Variants in LEKR1 observed in about 807,000 individuals in gnomAD.
LEKR1 encodes leucine, glutamate and lysine rich 1, also known as protein LEKR1.
Under a neutral mutation model 72.4 loss-of-function variants are expected in LEKR1, and 59 were observed. That is an observed-to-expected ratio of 0.82 (90% confidence interval 0.66 to 1.01). The LOEUF (loss-of-function observed/expected upper bound fraction) is 1.01. LEKR1 is among the 50% of genes least tolerant of loss of function. The pLI, the probability that LEKR1 is intolerant of heterozygous loss-of-function variation, is 0.00. For missense variants in LEKR1, 728 were observed against 759.2 expected (o/e 0.96, Z 0.48); for synonymous variants, 257 against 263.2 (o/e 0.98, Z 0.23).
intron 9 of LEKR1, among the ~76,000 whole-genome samples, chr3:157,002,711 T>C (rs746143739): frequency 9.9e-5 from 15 of 152,152 alleles, no homozygotes; most frequent in Non-Finnish European, 1.9e-4. Flanking sequence ...AGATACAAAT[T>C]TATATTTTTA....
intron 3 of LEKR1, among the ~76,000 whole-genome samples, chr3:156,892,148 A>C (rs373628450): frequency 6.6e-6 from 1 of 152,002 alleles, no homozygotes; most frequent in East Asian, 1.9e-4. Context: ...GGGAGAGGGG[A>C]TAAGAAGAAG....
At chr3:156,981,167 G>T (rs543789679) in intron 7 of LEKR1, among the ~76,000 whole-genome samples, 1 of 152,066 alleles carries the variant, frequency 6.6e-6, no homozygotes, top group Non-Finnish European at 1.5e-5. Context: ...ATCTTGGTTT[G>T]TGTACACTCA....
At chr3:156,998,275 A>G (rs1163714704) in intron 9 of LEKR1, among the ~76,000 whole-genome samples, 1 of 152,090 alleles carries the variant, frequency 6.6e-6, no homozygotes, top group Non-Finnish European at 1.5e-5. Flanking sequence ...AGGGAAAACT[A>G]TTTCTATAGT....
rs143632497 is a variant in LEKR1 at position 156,831,791 on chromosome 3, C to G, written c.48+2414C>G. On this transcript the variant is annotated intron_variant, in intron 2 of 12. Coordinates refer to ENST00000356539, the MANE Select transcript of LEKR1 (RefSeq NM_001004316.3). ...CCTCACGATGTGGGAATTGTGAGAG[C>G]TACAATTCAAGATGAGATTTGGGTG... Among the ~76,000 whole-genome samples the G allele has an allele frequency of 4.3e-3, 649 of 152,242 alleles. 2 individuals are homozygous for G. Among genetic ancestry groups the G allele is most frequent in the Non-Finnish European group, 5.5e-3 (372 of 68,002 alleles).
chr3:156,970,429 C>T (rs1729055875), intron 6 of LEKR1, among the ~76,000 whole-genome samples: 1 of 152,108 alleles, frequency 6.6e-6, no homozygotes, highest in South Asian at 2.1e-4. Flanking sequence ...AATGGTAATG[C>T]CTAGGTTTTC....
At chr3:157,042,327 G>A (rs1018251648) in intron 12 of LEKR1, among the ~76,000 whole-genome samples, 1 of 152,120 alleles carries the variant, frequency 6.6e-6, no homozygotes, top group Non-Finnish European at 1.5e-5. Flanking sequence ...AGAGCAGCGG[G>A]CCCCAGGCAG....
At chr3:156,936,465 A>ACAC (rs1553807828) in intron 5 of LEKR1, among the ~76,000 whole-genome samples, 2 of 133,318 alleles carry the variant, frequency 1.5e-5, no homozygotes, top group Non-Finnish European at 3.3e-5. Flanking sequence ...ACACACACAC[A>ACAC]CCCCCCGTAT....
chr3:156,879,434 A>G (rs954083791), intron 3 of LEKR1, among the ~76,000 whole-genome samples: 55 of 152,290 alleles, frequency 3.6e-4, no homozygotes, highest in African/African-American at 1.3e-3. Context: ...AGCATTCGAG[A>G]GGTTACTTGG....
intron 11 of LEKR1, 144 bp from the exon 12 acceptor site, chr3:157,027,959 T>C (rs1405397701): frequency 2.1e-6 from 1 of 487,094 alleles, no homozygotes; most frequent in Non-Finnish European, 3.6e-6. Flanking sequence ...AAAGAAAATC[T>C]TGAAGGCCTG....
At chr3:156,870,952 T>C (rs182758884) in intron 3 of LEKR1, among the ~76,000 whole-genome samples, 1 of 151,566 alleles carries the variant, frequency 6.6e-6, no homozygotes, top group Admixed American at 6.6e-5. Context: ...TCCTTCATTC[T>C]TTTTTTTATT....
chr3:157,011,646 C>T, intron 10 of LEKR1, 140 bp downstream of exon 10: 1 of 647,622 alleles, frequency 1.5e-6, no homozygotes, highest in Non-Finnish European at 2.7e-6. Context: ...CTAGACCAGA[C>T]ATGCTTATGG....
At chr3:157,000,416 A>T (rs1731913681) in intron 9 of LEKR1, among the ~76,000 whole-genome samples, 1 of 152,194 alleles carries the variant, frequency 6.6e-6, no homozygotes, top group Non-Finnish European at 1.5e-5. Flanking sequence ...GTCCATTCTT[A>T]GTTTAAAAAG....
intron 3 of LEKR1, among the ~76,000 whole-genome samples, chr3:156,854,258 G>A (rs997804012): frequency 9.5e-5 from 14 of 147,678 alleles, no homozygotes; most frequent in Non-Finnish European, 1.5e-4. Context: ...ATTTTCCTGC[G>A]TCAGCCTCAC....
At chr3:157,011,552 T>A (rs1346598182) in intron 10 of LEKR1, 46 bp downstream of exon 10, 21 of 1,342,050 alleles carry the variant, frequency 1.6e-5, no homozygotes, top group Non-Finnish European at 2.1e-5. Context: ...ATTTGCATTT[T>A]AAAAATTCTG....
chr3:156,858,669 T>C (rs1716384561), intron 3 of LEKR1, among the ~76,000 whole-genome samples: 1 of 137,716 alleles, frequency 7.3e-6, no homozygotes, highest in East Asian at 1.9e-4. Context: ...AGCGAGACCC[T>C]GTCTCAAAAA....
chr3:156,985,943 AG>A (rs1394715223), intron 7 of LEKR1, among the ~76,000 whole-genome samples: 1 of 152,056 alleles, frequency 6.6e-6, no homozygotes, highest in Non-Finnish European at 1.5e-5. Flanking sequence ...AGGAAGCAAG[AG>A]GGTCAAAGTC....
chr3:157,001,409 G>C (rs917134395), intron 9 of LEKR1, among the ~76,000 whole-genome samples: 1 of 152,124 alleles, frequency 6.6e-6, no homozygotes, highest in Non-Finnish European at 1.5e-5. Flanking sequence ...ATCTCTAAGA[G>C]AACAACTTGT....
chr3:156,899,355 T>TATACAC lies in LEKR1; in HGVS notation c.264-21217_264-21216insCACATA, dbSNP rs1560063446. On this transcript the variant is annotated intron_variant, in intron 3 of 12. Coordinates refer to ENST00000356539, the MANE Select transcript of LEKR1 (RefSeq NM_001004316.3). ...ATACATATATACACATATATACATG[T>TATACAC]ATATATACATATATACATATATACA... Among the ~76,000 whole-genome samples, 14 of 130,930 alleles carry TATACAC rather than the reference T, an allele frequency of 1.1e-4. 1 individual carries two copies. Among genetic ancestry groups the TATACAC allele is most frequent in the African/African-American group, 4.1e-4 (14 of 33,834 alleles). 85.9% of individuals were successfully genotyped at this position (130,930 alleles called of 152,430 possible). A position where few individuals can be genotyped will look rare whatever the true frequency, so the allele number is the denominator to read the frequency against.
intron 3 of LEKR1, among the ~76,000 whole-genome samples, chr3:156,905,605 T>C (rs1423335681): frequency 6.6e-6 from 1 of 152,192 alleles, no homozygotes; most frequent in Non-Finnish European, 1.5e-5. Context: ...ATTTAGTTTC[T>C]GCCTGAAGGG....
Sources: gnomAD v4.1 joint callset for allele counts (sites outside exome capture counted in the v4.1 genomes callset) on GRCh38, gnomAD v4.1.1 for gene constraint, MANE v1.5 for transcripts, NCBI Gene and HGNC (gene_info 2026-07-23, HGNC 2026-07-21) for gene names.